The following ATP8A2 variants were observed in gnomAD, a reference collection of about 807,000 sequenced individuals.
The protein encoded by ATP8A2 is ATPase phospholipid transporting 8A2.
ATP8A2 carries 100 observed loss-of-function variants against 165.6 expected under a neutral mutation model. The observed-to-expected ratio is 0.60, with a 90% CI of 0.51 to 0.71. The LOEUF is 0.71. Ranked by LOEUF, ATP8A2 falls within the 30% of genes least tolerant of loss-of-function variation. The probability of loss-of-function intolerance (pLI) is 0.00; values close to 1 mark genes in which losing one functional copy is unlikely to be tolerated. For synonymous variants in ATP8A2, 543 were observed against 548.8 expected, an observed-to-expected ratio of 0.99 and a Z score of 0.15; for missense variants, 1,227 against 1,479.5, an observed-to-expected ratio of 0.83 and a Z score of 2.80.
chr13:25,857,745 T>A (rs1224562859), intron 30 of ATP8A2, among the ~76,000 whole-genome samples: 1 of 151,692 alleles, frequency 6.6e-6, no homozygotes, highest in African/African-American at 2.4e-5. Context: ...TAATTTTTGT[T>A]TTTTTAGTAG....
chr13:25,604,536 A>G lies in ATP8A2; in HGVS notation c.2211+14837A>G, dbSNP rs544056934. ...ACTTTATTTTTCCAAAATGTGTAGTAAACTATGATTTTTAAAGTAATTCAA... is the reference window on the plus strand; with the variant it reads ...ACTTTATTTTTCCAAAATGTGTAGTGAACTATGATTTTTAAAGTAATTCAA... On this transcript the variant is annotated intron_variant, in intron 24 of 36. Coordinates refer to ENST00000381655, the MANE Select transcript of ATP8A2 (RefSeq NM_016529.6). Among the ~76,000 whole-genome samples the G allele has an allele frequency of 2.2e-3, 341 of 152,342 alleles. 7 individuals carry two copies. Among genetic ancestry groups the G allele is most frequent in the South Asian group, 0.017 (82 of 4,832 alleles).
At chr13:25,388,616 T>C (rs903256743) in intron 1 of ATP8A2, among the ~76,000 whole-genome samples, 3 of 152,182 alleles carry the variant, frequency 2.0e-5, no homozygotes, top group Non-Finnish European at 4.4e-5. Context: ...AATCTATAGA[T>C]AACATAACCG....
chr13:26,023,781 G>T lies in ATP8A2; in HGVS notation c.*3796G>T, dbSNP rs946595109. 6.6e-6 allele frequency: 1 copy of T among 152,164 alleles called. No homozygotes were observed. The highest frequency in any genetic ancestry group is 2.4e-5 in the African/African-American group (1 of 41,450). The allele number at this position is 152,164 out of a possible 1,614,324, so 9.4% of individuals were successfully genotyped here. A position where few individuals can be genotyped will look rare whatever the true frequency, so the allele number is the denominator to read the frequency against. ...AAGGACTGCACACTTTTCAGCCAGG[G>T]TTTGAGTTACTGCCCAGGGTCATCG... On this transcript the variant is annotated 3_prime_UTR_variant, in exon 37 of 37. Coordinates refer to ENST00000381655, the MANE Select transcript of ATP8A2 (RefSeq NM_016529.6).
chr13:25,549,796 G>A (rs1378809260), intron 10 of ATP8A2, among the ~76,000 whole-genome samples: 1 of 152,064 alleles, frequency 6.6e-6, no homozygotes, highest in Non-Finnish European at 1.5e-5. Context: ...AACCCGAGAT[G>A]TTGGCTGCTC....
chr13:25,873,617 T>C (rs1390729009), intron 33 of ATP8A2, among the ~76,000 whole-genome samples: 1 of 151,958 alleles, frequency 6.6e-6, no homozygotes, highest in East Asian at 1.9e-4. Context: ...CCAGGCTCTG[T>C]TATTTTTACC....
chr13:25,464,446 TAA>T (rs34063090), intron 1 of ATP8A2, among the ~76,000 whole-genome samples: 9,756 of 127,364 alleles, frequency 0.077, 479 homozygotes, highest in African/African-American at 0.15. Context: ...CATCTCTATC[TAA>T]AAAAAAAAAA....
chr13:25,829,274 A>G (rs1398445440), intron 28 of ATP8A2, among the ~76,000 whole-genome samples: 3 of 152,112 alleles, frequency 2.0e-5, no homozygotes, highest in Non-Finnish European at 4.4e-5. Context: ...AACTTGCTGC[A>G]AAGTCACTAG....
chr13:25,804,128 G>A (rs879659078), intron 27 of ATP8A2, among the ~76,000 whole-genome samples: 2 of 152,142 alleles, frequency 1.3e-5, no homozygotes, highest in Non-Finnish European at 2.9e-5. Flanking sequence ...CATTGGCAAA[G>A]CATTTTGTTT....
At chr13:25,929,721 C>T (rs772935270) in intron 33 of ATP8A2, among the ~76,000 whole-genome samples, 19 of 151,996 alleles carry the variant, frequency 1.3e-4, no homozygotes, top group Non-Finnish European at 1.2e-4. Flanking sequence ...GATGTGGTGG[C>T]GCTGCACCTC....
chr13:25,883,242 C>T (rs1470664261), intron 33 of ATP8A2, among the ~76,000 whole-genome samples: 2 of 151,950 alleles, frequency 1.3e-5, no homozygotes, highest in Non-Finnish European at 2.9e-5. Context: ...TCTCAGAGCT[C>T]GCTGCATACT....
intron 1 of ATP8A2, among the ~76,000 whole-genome samples, chr13:25,406,730 C>T (rs931288633): frequency 9.2e-5 from 14 of 152,302 alleles, no homozygotes; most frequent in Admixed American, 4.6e-4. Context: ...ACCTCACTTC[C>T]GGAAGGCCAG....
intron 33 of ATP8A2, among the ~76,000 whole-genome samples, chr13:25,956,962 T>A (rs1955538709): frequency 6.6e-6 from 1 of 152,118 alleles, no homozygotes; most frequent in African/African-American, 2.4e-5. Context: ...TCAGAAATAA[T>A]TCCACACATC....
intron 24 of ATP8A2, among the ~76,000 whole-genome samples, chr13:25,667,385 C>T (rs1295565683): frequency 3.3e-5 from 5 of 152,078 alleles, no homozygotes; most frequent in East Asian, 1.9e-4. Flanking sequence ...GTACTGTTCT[C>T]CCAGTAGTGA....
chr13:25,649,243 C>T (rs2041754105), intron 24 of ATP8A2, among the ~76,000 whole-genome samples: 2 of 152,192 alleles, frequency 1.3e-5, no homozygotes, highest in Admixed American at 1.3e-4. Flanking sequence ...TTGGAGTTCT[C>T]TAAATGTCTG....
chr13:25,547,476 T>A (rs1055163320), intron 10 of ATP8A2, among the ~76,000 whole-genome samples: 10 of 152,206 alleles, frequency 6.6e-5, no homozygotes, highest in Non-Finnish European at 1.3e-4. Flanking sequence ...GAGAATCTAA[T>A]GCCCAGTGAT....
At chr13:25,976,242 T>G (rs1956033668) in intron 35 of ATP8A2, among the ~76,000 whole-genome samples, 2 of 152,130 alleles carry the variant, frequency 1.3e-5, no homozygotes. Context: ...TCTTCCTGGT[T>G]TTTAATGCCA....
chr13:25,639,412 A>G (rs1258016304), intron 24 of ATP8A2, among the ~76,000 whole-genome samples: 1 of 152,220 alleles, frequency 6.6e-6, no homozygotes, highest in Non-Finnish European at 1.5e-5. Flanking sequence ...AGGAAGATCT[A>G]CTAAGCAAAT....
intron 24 of ATP8A2, among the ~76,000 whole-genome samples, chr13:25,612,051 T>C (rs2040701296): frequency 6.6e-6 from 1 of 152,162 alleles, no homozygotes; most frequent in Admixed American, 6.5e-5. Context: ...GTCTTGAGAA[T>C]GGTCTATCAA....
At chr13:25,414,537 A>T (rs550363732) in intron 1 of ATP8A2, among the ~76,000 whole-genome samples, 1 of 152,228 alleles carries the variant, frequency 6.6e-6, no homozygotes, top group South Asian at 2.1e-4. Context: ...TAAACTATAT[A>T]AGTAAATGTA....
Sources: gnomAD v4.1 joint callset for allele counts (sites outside exome capture counted in the v4.1 genomes callset) on GRCh38, gnomAD v4.1.1 for gene constraint, MANE v1.5 for transcripts, NCBI Gene and HGNC (gene_info 2026-07-23, HGNC 2026-07-21) for gene names.